The following SMC3 variants were observed in gnomAD, a reference collection of about 807,000 sequenced individuals.
SMC3 encodes structural maintenance of chromosomes 3, also known as structural maintenance of chromosomes protein 3.
A neutral mutation model predicts 171.8 loss-of-function variants in SMC3; 20 were observed. The observed-to-expected ratio is 0.12, with a 90% CI of 0.08 to 0.17. The LOEUF (loss-of-function observed/expected upper bound fraction) is 0.17, where lower values mean the gene tolerates loss of function less well. Ranked by LOEUF, SMC3 falls within the 10% of genes least tolerant of loss-of-function variation. The pLI is 1.00. For synonymous variants in SMC3, 464 were observed against 451.1 expected (o/e 1.03, Z -0.36); for missense variants, 543 against 1,420.4 (o/e 0.38, Z 9.93).
intron 23 of SMC3, among the ~76,000 whole-genome samples, chr10:110,601,377 A>G (rs577934017): frequency 6.6e-6 from 1 of 152,334 alleles, no homozygotes; most frequent in East Asian, 1.9e-4. Context: ...ATACCTGACG[A>G]AAGTTTCTCA....
chr10:110,570,405 T>G (rs1312013788), intron 2 of SMC3, among the ~76,000 whole-genome samples: 1 of 130,278 alleles, frequency 7.7e-6, no homozygotes, highest in African/African-American at 2.9e-5. Flanking sequence ...ATAGCAGCCT[T>G]GTAGTTGGGA....
chr10:110,569,897 A>G (rs963341751), intron 2 of SMC3, among the ~76,000 whole-genome samples: 3 of 152,186 alleles, frequency 2.0e-5, no homozygotes, highest in African/African-American at 4.8e-5. Flanking sequence ...ATTTTACAGG[A>G]TAGATGAAAG....
Position 110,599,636 on chromosome 10 carries a change from A to G in SMC3, c.2269-18A>G. On this transcript the variant is annotated intron_variant, in intron 20 of 28. Transcript: ENST00000361804. ...ACAGTGGCTAATACCTTACTAATAAATGGATAATGTCATATAGCAACGTAG... is the reference window on the plus strand; with the variant it reads ...ACAGTGGCTAATACCTTACTAATAAGTGGATAATGTCATATAGCAACGTAG... 6.2e-7 allele frequency: 1 copy of G among 1,609,290 alleles called. No homozygotes were observed.
At chr10:110,582,529 G>T in intron 9 of SMC3, 33 bp from the exon 10 acceptor site, 1 of 1,471,142 alleles carries the variant, frequency 6.8e-7, no homozygotes, top group South Asian at 1.2e-5. Context: ...ATTACAAAAT[G>T]AGTTAGATAT....
At chr10:110,584,109 A>T in intron 12 of SMC3, 74 bp from the exon 13 acceptor site, 1 of 1,510,260 alleles carries the variant, frequency 6.6e-7, no homozygotes, top group Non-Finnish European at 9.2e-7. Flanking sequence ...TTCTGTGTGC[A>T]GTTGACATTA....
chr10:110,590,636 T>G, intron 16 of SMC3, 64 bp downstream of exon 16: 1 of 1,350,176 alleles, frequency 7.4e-7, no homozygotes, highest in Non-Finnish European at 1.1e-6. Flanking sequence ...TTAAACAACT[T>G]TTGTAGTTTT....
At chr10:110,589,442 C>T (rs1861174915) in intron 13 of SMC3, among the ~76,000 whole-genome samples, 163 bp from the exon 14 acceptor site, 1 of 152,140 alleles carries the variant, frequency 6.6e-6, no homozygotes, top group Non-Finnish European at 1.5e-5. Context: ...ACAGTTAAGA[C>T]AATAAACACG....
At chr10:110,571,741 T>G (rs1456664761) in intron 2 of SMC3, among the ~76,000 whole-genome samples, 2 of 152,088 alleles carry the variant, frequency 1.3e-5, no homozygotes, top group African/African-American at 4.8e-5. Flanking sequence ...AGTACGTTTT[T>G]AGTCTTTGTA....
At chr10:110,594,520 A>G (rs1012527175) in intron 18 of SMC3, among the ~76,000 whole-genome samples, 3 of 152,120 alleles carry the variant, frequency 2.0e-5, no homozygotes, top group African/African-American at 7.2e-5. Flanking sequence ...TTCGTTATAG[A>G]AGGGAAATGC....
chr10:110,581,139 G>A lies in SMC3; in HGVS notation c.547+118G>A, dbSNP rs1282761571. ...GTATATGACAGCATTAGATAATGCTGTTATTAATAAAAATTGAGAATCCAT... is the reference window on the plus strand; with the variant it reads ...GTATATGACAGCATTAGATAATGCTATTATTAATAAAAATTGAGAATCCAT... On this transcript the variant is annotated intron_variant, in intron 8 of 28. Coordinates refer to ENST00000361804, the MANE Select transcript of SMC3 (RefSeq NM_005445.4). The A allele has an allele frequency of 4.4e-6, 3 of 682,574 alleles. No homozygotes were observed. The African/African-American group carries it at 5.4e-5, about 12-fold the overall frequency. The allele number at this position is 682,574 out of a possible 1,614,324, so 42.3% of individuals were successfully genotyped here. A position where few individuals can be genotyped will look rare whatever the true frequency, so the allele number is the denominator to read the frequency against.
chr10:110,592,274 AAAAAT>A (rs1449523690), intron 17 of SMC3, among the ~76,000 whole-genome samples: 2 of 152,016 alleles, frequency 1.3e-5, no homozygotes, highest in Non-Finnish European at 2.9e-5. Flanking sequence ...AAAAAAAAAA[AAAAAT>A]TTTATAGAAC....
intron 13 of SMC3, among the ~76,000 whole-genome samples, chr10:110,584,660 C>G (rs897972259): frequency 6.6e-6 from 1 of 152,148 alleles, no homozygotes; most frequent in African/African-American, 2.4e-5. Flanking sequence ...GGGTCTTGTT[C>G]TGTCACCCAA....
At chr10:110,592,725 C>T (rs886820022) in intron 17 of SMC3, among the ~76,000 whole-genome samples, 8 of 152,038 alleles carry the variant, frequency 5.3e-5, no homozygotes, top group Non-Finnish European at 7.4e-5. Flanking sequence ...GTATTGTCTA[C>T]GATTTTGTAG....
At chr10:110,587,891 G>A (rs1045295292) in intron 13 of SMC3, among the ~76,000 whole-genome samples, 2 of 152,120 alleles carry the variant, frequency 1.3e-5, no homozygotes, top group African/African-American at 4.8e-5. Flanking sequence ...TTTACCTAGG[G>A]AATTTGTTAA....
intron 10 of SMC3, 27 bp downstream of exon 10, chr10:110,582,669 A>T (rs1554882617): frequency 1.3e-6 from 2 of 1,551,108 alleles, no homozygotes; most frequent in Non-Finnish European, 1.8e-6. Context: ...GGTTCATGTT[A>T]ACTTACTTTT....
chr10:110,592,971 G>A (rs112770247), intron 17 of SMC3, 102 bp from the exon 18 acceptor site: 1 of 966,114 alleles, frequency 1.0e-6, no homozygotes, highest in Non-Finnish European at 1.7e-6. Flanking sequence ...AAATATAATG[G>A]TGTTTATGGT....
intron 3 of SMC3, 93 bp downstream of exon 3, chr10:110,573,838 A>G (rs1860908790): frequency 2.2e-6 from 2 of 898,534 alleles, no homozygotes; most frequent in Non-Finnish European, 3.7e-6. Flanking sequence ...TTATGTATTC[A>G]TGAAACCCAA....
intron 17 of SMC3, 89 bp downstream of exon 17, chr10:110,591,221 A>G (rs1861200022): frequency 1.3e-5 from 16 of 1,231,974 alleles, no homozygotes; most frequent in Non-Finnish European, 1.8e-5. Context: ...CAGGCACTAT[A>G]CACTGGGATT....
intron 13 of SMC3, 130 bp from the exon 14 acceptor site, chr10:110,589,475 C>T: frequency 4.5e-6 from 3 of 665,822 alleles, no homozygotes; most frequent in Non-Finnish European, 8.1e-6. Flanking sequence ...AAGCGTTTTC[C>T]ATACCCCTTT....
Sources: allele counts gnomAD v4.1 joint callset (sites outside exome capture counted in the v4.1 genomes callset), GRCh38; gene constraint gnomAD v4.1.1; transcripts MANE v1.5; gene names NCBI Gene and HGNC (gene_info 2026-07-23, HGNC 2026-07-21).